Variants in HCN1 observed in about 807,000 individuals in gnomAD.
HCN1 encodes the protein hyperpolarization activated cyclic nucleotide gated potassium channel 1, also known as potassium/sodium hyperpolarization-activated cyclic nucleotide-gated channel 1.
In HCN1, 13 loss-of-function variants were observed where a neutral mutation model predicts 78.9. The observed-to-expected ratio is 0.16, with a 90% CI of 0.11 to 0.26. HCN1 has a LOEUF of 0.26. HCN1 is among the 10% of genes least tolerant of loss of function. HCN1 has a pLI of 1.00. For missense variants in HCN1, 810 were observed against 1,154.3 expected, an observed-to-expected ratio of 0.70 and a Z score of 4.32; for synonymous variants, 552 against 455.5, an observed-to-expected ratio of 1.21 and a Z score of -2.70.
intron 3 of HCN1, among the ~76,000 whole-genome samples, chr5:45,441,414 G>A (rs1173009430): frequency 6.9e-6 from 1 of 145,142 alleles, no homozygotes; most frequent in Non-Finnish European, 1.5e-5. Flanking sequence ...GGAAGGAAGG[G>A]AGGGAGGGAG....
intron 1 of HCN1, among the ~76,000 whole-genome samples, chr5:45,680,984 C>A (rs554749201): frequency 6.6e-6 from 1 of 152,014 alleles, no homozygotes; most frequent in Non-Finnish European, 1.5e-5. Flanking sequence ...TCTTTGATAA[C>A]CTCCTTAATA....
intron 4 of HCN1, among the ~76,000 whole-genome samples, chr5:45,371,892 A>G (rs1747373589): frequency 1.1e-5 from 1 of 90,782 alleles, no homozygotes; most frequent in Non-Finnish European, 1.8e-5. Context: ...AATAAATATA[A>G]TATACATTAT....
At chr5:45,348,480 A>G (rs1354805253) in intron 5 of HCN1, among the ~76,000 whole-genome samples, 1 of 152,198 alleles carries the variant, frequency 6.6e-6, no homozygotes, top group African/African-American at 2.4e-5. Flanking sequence ...ATAACCAGCT[A>G]ACATCATAAT....
In HCN1 at chr5:45,696,064, C is replaced by T; in HGVS notation, c.30G>A (p.Ser10=). Residue 10 remains serine, a synonymous_variant, in exon 1 of 8, where the codon TCG becomes TCA. Transcript: ENST00000303230. MEGGGKPNS[S]SNSRDDGNSV... Reference sequence around the variant, plus strand: ...TGTTGCCATCGTCCCGGCTGTTAGACGAAGAGTTGGGCTTGCCGCCTCCTT... The same window carrying T: ...TGTTGCCATCGTCCCGGCTGTTAGATGAAGAGTTGGGCTTGCCGCCTCCTT... The T allele has an allele frequency of 7.4e-7, 1 of 1,355,292 alleles. No individual in the cohort carries two copies. Among genetic ancestry groups the T allele is most frequent in the Middle Eastern group, 2.5e-4 (1 of 3,936 alleles). The allele number at this position is 1,355,292 out of a possible 1,614,324, so 84.0% of individuals were successfully genotyped here.
At chr5:45,614,238 T>A (rs926419680) in intron 2 of HCN1, among the ~76,000 whole-genome samples, 18 of 152,162 alleles carry the variant, frequency 1.2e-4, no homozygotes, top group Non-Finnish European at 2.4e-4. Context: ...TTCATTTGTA[T>A]CCTGGAAGAT....
intron 2 of HCN1, among the ~76,000 whole-genome samples, chr5:45,529,640 T>G (rs2111799683): frequency 6.6e-6 from 1 of 152,070 alleles, no homozygotes; most frequent in East Asian, 1.9e-4. Context: ...AATACCAAAT[T>G]AAAATAGACA....
chr5:45,386,956 C>A (rs1023033410), intron 4 of HCN1, among the ~76,000 whole-genome samples: 3 of 151,930 alleles, frequency 2.0e-5, no homozygotes, highest in Non-Finnish European at 4.4e-5. Flanking sequence ...AAGTGGGAGA[C>A]AGCAAGAAAT....
intron 5 of HCN1, among the ~76,000 whole-genome samples, chr5:45,350,511 G>T (rs543341591): frequency 2.5e-4 from 38 of 151,910 alleles, no homozygotes; most frequent in Admixed American, 2.0e-3. Flanking sequence ...CATAGTGTTG[G>T]AAGTTCTGGC....
intron 4 of HCN1, among the ~76,000 whole-genome samples, chr5:45,353,986 G>C (rs1361055137): frequency 6.6e-6 from 1 of 151,786 alleles, no homozygotes; most frequent in Non-Finnish European, 1.5e-5. Flanking sequence ...TCCCGAGATT[G>C]ATTCTATTGA....
At chr5:45,384,301 A>G (rs1356998377) in intron 4 of HCN1, among the ~76,000 whole-genome samples, 1 of 152,158 alleles carries the variant, frequency 6.6e-6, no homozygotes, top group Admixed American at 6.6e-5. Context: ...AGATATCTAA[A>G]TGATGTCTAT....
At chr5:45,681,216 G>A (rs899744935) in intron 1 of HCN1, among the ~76,000 whole-genome samples, 1 of 152,014 alleles carries the variant, frequency 6.6e-6, no homozygotes, top group Non-Finnish European at 1.5e-5. Flanking sequence ...CCAACACATA[G>A]CGCAAAATCA....
intron 1 of HCN1, among the ~76,000 whole-genome samples, chr5:45,650,941 C>T (rs886574021): frequency 1.3e-5 from 2 of 152,002 alleles, no homozygotes; most frequent in Admixed American, 1.3e-4. Flanking sequence ...ACATTTCTAA[C>T]CTAAAGCTTT....
At chr5:45,474,750 AT>A (rs1741478453) in intron 2 of HCN1, among the ~76,000 whole-genome samples, 1 of 151,928 alleles carries the variant, frequency 6.6e-6, no homozygotes, top group Non-Finnish European at 1.5e-5. Flanking sequence ...TCCTCCAACT[AT>A]GGGTTATACA....
At chr5:45,627,927 T>G (rs1386600446) in intron 2 of HCN1, among the ~76,000 whole-genome samples, 1 of 152,162 alleles carries the variant, frequency 6.6e-6, no homozygotes, top group Non-Finnish European at 1.5e-5. Context: ...ACAACCAAAG[T>G]GTCAACAATA....
chr5:45,631,134 C>T (rs1745263540), intron 2 of HCN1, among the ~76,000 whole-genome samples: 1 of 152,140 alleles, frequency 6.6e-6, no homozygotes, highest in Non-Finnish European at 1.5e-5. Context: ...ATAAGTTAGT[C>T]ACAGGCCTAC....
chr5:45,396,852 CACTA>C, intron 3 of HCN1, 142 bp from the exon 4 acceptor site: 1 of 714,288 alleles, frequency 1.4e-6, no homozygotes, highest in Non-Finnish European at 2.6e-6. Context: ...ATGTACTTCT[CACTA>C]ACTGTGAATT....
At chr5:45,406,990 G>C (rs552111013) in intron 3 of HCN1, among the ~76,000 whole-genome samples, 8 of 152,086 alleles carry the variant, frequency 5.3e-5, no homozygotes. Context: ...TATCTGATAG[G>C]AACAGTCCTC....
chr5:45,263,942 C>T (rs576513405), intron 7 of HCN1, among the ~76,000 whole-genome samples: 10 of 152,100 alleles, frequency 6.6e-5, no homozygotes, highest in Middle Eastern at 3.4e-3. Flanking sequence ...TACAGGTGCC[C>T]GCCACCGTGC....
chr5:45,677,809 T>A (rs900796733), intron 1 of HCN1, among the ~76,000 whole-genome samples: 1 of 151,874 alleles, frequency 6.6e-6, no homozygotes, highest in African/African-American at 2.4e-5. Flanking sequence ...TTGTTTTAAT[T>A]TACATTAAAA....
Sources: allele counts gnomAD v4.1 joint callset (sites outside exome capture counted in the v4.1 genomes callset), GRCh38; gene constraint gnomAD v4.1.1; transcripts MANE v1.5; gene names NCBI Gene and HGNC (gene_info 2026-07-23, HGNC 2026-07-21).